The following ZNF385D variants were observed in gnomAD, a reference collection of about 807,000 sequenced individuals.
ZNF385D encodes the protein zinc finger protein 385D, also known as zinc finger protein 659.
In ZNF385D, 15 loss-of-function variants were observed where a neutral mutation model predicts 35.8. The observed-to-expected ratio is 0.42, with a 90% CI of 0.28 to 0.64. ZNF385D has a LOEUF of 0.64. Among genes scored for constraint, ZNF385D ranks in the 30% least tolerant of loss-of-function variants. The probability of loss-of-function intolerance (pLI) is 0.23; values close to 1 mark genes in which losing one functional copy is unlikely to be tolerated. For missense variants in ZNF385D, 474 were observed against 494.6 expected (o/e 0.96, Z 0.39); for synonymous variants, 212 against 186.8 (o/e 1.13, Z -1.10).
intron 3 of ZNF385D, among the ~76,000 whole-genome samples, chr3:22,146,329 G>A (rs1314254451): frequency 6.6e-6 from 1 of 152,110 alleles, no homozygotes; most frequent in African/African-American, 2.4e-5. Context: ...AAAATTAAAA[G>A]CATTCCACAG....
intron 3 of ZNF385D, among the ~76,000 whole-genome samples, chr3:21,966,916 T>C (rs1437147650): frequency 6.6e-6 from 1 of 152,228 alleles, no homozygotes; most frequent in African/African-American, 2.4e-5. Context: ...GCAGATTTAC[T>C]TCTAATTTTT....
chr3:21,998,587 C>G (rs1034005037), intron 3 of ZNF385D, among the ~76,000 whole-genome samples: 8 of 152,158 alleles, frequency 5.3e-5, no homozygotes, highest in African/African-American at 1.7e-4. Flanking sequence ...TACTTATCAG[C>G]ACCTTGAAGT....
intron 3 of ZNF385D, among the ~76,000 whole-genome samples, chr3:21,876,626 A>G (rs1697987585): frequency 6.6e-6 from 1 of 151,990 alleles, no homozygotes; most frequent in Non-Finnish European, 1.5e-5. Flanking sequence ...GAAGAACAGA[A>G]CAGCTTTTCC....
In ZNF385D at chr3:21,853,904, A is replaced by G. The variant is rs541041761; in HGVS notation, c.326-188876T>C. Among the ~76,000 whole-genome samples the G allele has an allele frequency of 8.5e-5, 13 of 152,072 alleles. No homozygotes were observed. The South Asian group carries it at 2.7e-3, about 32-fold the overall frequency. ...TTCAAGAAAGGCAATATAAATATAT[A>G]ATAATAGAAATGAGAAGAGTGATTA... On this transcript the variant is annotated intron_variant, in intron 3 of 5. Coordinates refer to the ZNF385D transcript ENST00000494108.
At chr3:21,746,809 T>C (rs972289340) in intron 1 of ZNF385D, among the ~76,000 whole-genome samples, 2 of 152,226 alleles carry the variant, frequency 1.3e-5, no homozygotes, top group African/African-American at 4.8e-5. Context: ...CTCTGCTGCC[T>C]GCTGCTTTCT....
chr3:21,891,684 T>A lies in ZNF385D; in HGVS notation c.326-226656A>T, dbSNP rs373780535. ...CCAGTTAATATTCTAACACAAGTGG[T>A]TACATTAGTTTGAAATTAGGCTGAG... On this transcript the variant is annotated intron_variant, in intron 3 of 5. Coordinates refer to the ZNF385D transcript ENST00000494108. 2.6e-5 allele frequency among the ~76,000 whole-genome samples: 4 copies of A among 152,316 alleles called. No homozygotes were observed. In the South Asian group the frequency reaches 8.3e-4, roughly 32 times the overall value.
At chr3:21,858,466 G>A (rs750182729) in intron 3 of ZNF385D, among the ~76,000 whole-genome samples, 1 of 150,524 alleles carries the variant, frequency 6.6e-6, no homozygotes, top group Non-Finnish European at 1.5e-5. Context: ...GCCTTCAAAG[G>A]TTAATTAGCT....
At chr3:21,974,590 C>T (rs557619311) in intron 3 of ZNF385D, among the ~76,000 whole-genome samples, 1 of 151,948 alleles carries the variant, frequency 6.6e-6, no homozygotes, top group African/African-American at 2.4e-5. Flanking sequence ...ATCAAGTAAA[C>T]AGCTCCTGCA....
At chr3:21,695,527 AC>A (rs1419585344) in intron 1 of ZNF385D, among the ~76,000 whole-genome samples, 3 of 152,162 alleles carry the variant, frequency 2.0e-5, no homozygotes, top group Non-Finnish European at 4.4e-5. Flanking sequence ...AGTGGAACTG[AC>A]CAATAGCCCA....
intron 3 of ZNF385D, among the ~76,000 whole-genome samples, chr3:22,007,190 A>G (rs889198002): frequency 2.0e-5 from 3 of 152,250 alleles, no homozygotes; most frequent in African/African-American, 2.4e-5. Context: ...ATTAATAACC[A>G]TTGTCCTTAG....
At chr3:21,628,334 G>A (rs576319316) in intron 2 of ZNF385D, among the ~76,000 whole-genome samples, 1 of 152,216 alleles carries the variant, frequency 6.6e-6, no homozygotes, top group East Asian at 1.9e-4. Context: ...GAGGAAGGTT[G>A]TGTGGTTCTA....
intron 2 of ZNF385D, among the ~76,000 whole-genome samples, chr3:22,345,999 T>C (rs1208770933): frequency 1.3e-5 from 2 of 152,308 alleles, no homozygotes; most frequent in South Asian, 2.1e-4. Context: ...TTCCCTTCTA[T>C]ATGTGTTGAT....
intron 2 of ZNF385D, among the ~76,000 whole-genome samples, chr3:22,278,355 G>C (rs1010448237): frequency 6.6e-6 from 1 of 152,058 alleles, no homozygotes; most frequent in African/African-American, 2.4e-5. Flanking sequence ...CACTATAGAA[G>C]TCTTTGGTAA....
chr3:21,879,803 T>C (rs148808178), intron 3 of ZNF385D, among the ~76,000 whole-genome samples: 1 of 152,062 alleles, frequency 6.6e-6, no homozygotes, highest in East Asian at 1.9e-4. Context: ...AACACTACAG[T>C]TGGTTTTATA....
At chr3:21,670,275 T>C (rs1428758016) in intron 1 of ZNF385D, among the ~76,000 whole-genome samples, 1 of 151,724 alleles carries the variant, frequency 6.6e-6, no homozygotes, top group Non-Finnish European at 1.5e-5. Context: ...AAAATATATA[T>C]GCACTTATTT....
intron 1 of ZNF385D, among the ~76,000 whole-genome samples, chr3:21,684,369 T>C (rs1327261543): frequency 2.0e-4 from 8 of 39,214 alleles, no homozygotes; most frequent in Non-Finnish European, 3.2e-4. Flanking sequence ...TGTTCTCCTC[T>C]CTCTCTCTCT....
At chr3:21,725,987 G>C (rs191896676) in intron 1 of ZNF385D, among the ~76,000 whole-genome samples, 46 of 152,258 alleles carry the variant, frequency 3.0e-4, no homozygotes, top group Admixed American at 2.9e-3. Flanking sequence ...CTACGATCAA[G>C]TCGGCTTCAT....
At chr3:22,318,341 T>G (rs1265471780) in intron 2 of ZNF385D, among the ~76,000 whole-genome samples, 1 of 151,932 alleles carries the variant, frequency 6.6e-6, no homozygotes, top group Non-Finnish European at 1.5e-5. Flanking sequence ...CAGGGAAAAT[T>G]TGATGTGGAA....
At chr3:21,683,215 A>C (rs1013668674) in intron 1 of ZNF385D, among the ~76,000 whole-genome samples, 1 of 150,074 alleles carries the variant, frequency 6.7e-6, no homozygotes, top group African/African-American at 2.5e-5. Context: ...CATATTTAGC[A>C]GAATTCTATG....
Sources: allele counts gnomAD v4.1 joint callset (sites outside exome capture counted in the v4.1 genomes callset), GRCh38; gene constraint gnomAD v4.1.1; transcripts MANE v1.5; gene names NCBI Gene and HGNC (gene_info 2026-07-23, HGNC 2026-07-21).